Variants in PMFBP1 observed in about 807,000 individuals in gnomAD.
PMFBP1 encodes the protein polyamine modulated factor 1 binding protein 1.
In PMFBP1, 131 loss-of-function variants were observed where a neutral mutation model predicts 137.8. The observed-to-expected ratio is 0.95, with a 90% CI of 0.82 to 1.10. PMFBP1 has a LOEUF of 1.10. Ranked by LOEUF, PMFBP1 falls within the 50% of genes least tolerant of loss-of-function variation. The pLI is 0.00. For synonymous variants in PMFBP1, 490 were observed against 450.4 expected, an observed-to-expected ratio of 1.09 and a Z score of -1.11; for missense variants, 1,199 against 1,175.4, an observed-to-expected ratio of 1.02 and a Z score of -0.29.
the PMFBP1 span, among the ~76,000 whole-genome samples, chr16:72,188,213 G>A: frequency 6.6e-6 from 1 of 152,218 alleles, no homozygotes; most frequent in African/African-American, 2.4e-5. Flanking sequence ...GAGCAAAAGA[G>A]GTGAGAGATT....
chr16:72,156,318 G>A (rs750793150), intron 3 of PMFBP1, among the ~76,000 whole-genome samples: 3 of 151,536 alleles, frequency 2.0e-5, no homozygotes, highest in Admixed American at 6.6e-5. Context: ...TCCAGGTTGC[G>A]GCAAGAATCA....
At chr16:72,249,683 T>G in the PMFBP1 span, among the ~76,000 whole-genome samples, 60,344 of 150,652 alleles carry the variant, frequency 0.4, 13,599 homozygotes, top group African/African-American at 0.61. Context: ...TTGAGAGGCT[T>G]AGGCAGGTGA....
the PMFBP1 span, among the ~76,000 whole-genome samples, chr16:72,211,489 A>G: frequency 6.6e-6 from 1 of 152,224 alleles, no homozygotes; most frequent in Non-Finnish European, 1.5e-5. Flanking sequence ...AGAATCTCAC[A>G]TTTAAATACA....
At chr16:72,240,599 A>G in the PMFBP1 span, among the ~76,000 whole-genome samples, 1 of 151,970 alleles carries the variant, frequency 6.6e-6, no homozygotes, top group Non-Finnish European at 1.5e-5. Flanking sequence ...TTATTTTTTC[A>G]TTGTGACATC....
the PMFBP1 span, among the ~76,000 whole-genome samples, chr16:72,234,782 C>T: frequency 6.6e-6 from 1 of 152,082 alleles, no homozygotes; most frequent in South Asian, 2.1e-4. Flanking sequence ...TTTTTATTTC[C>T]CTAATGACTA....
chr16:72,146,301 A>G (rs1248108763), intron 5 of PMFBP1, among the ~76,000 whole-genome samples: 1 of 152,224 alleles, frequency 6.6e-6, no homozygotes, highest in African/African-American at 2.4e-5. Flanking sequence ...AGATGCAGAA[A>G]AGGCCTTTGA....
rs746865705 is a variant in PMFBP1, at chr16:72,126,178, A to G, written c.2089-46T>C. ...ACTGTCAGGGTGCCAGGTCAGGGTC[A>G]TAGAGGCATTCTCTGTGCCTATAGG... On this transcript the variant is annotated intron_variant, in intron 14 of 20. Coordinates refer to ENST00000237353, the MANE Select transcript of PMFBP1 (RefSeq NM_031293.3). 5.6e-6 allele frequency: 9 copies of G among 1,596,822 alleles called. 1 individual carries two copies. In the South Asian group the frequency reaches 9.0e-5, roughly 16 times the overall value.
intron 10 of PMFBP1, among the ~76,000 whole-genome samples, chr16:72,131,835 A>G (rs1344187767): frequency 3.3e-5 from 5 of 152,172 alleles, no homozygotes; most frequent in Non-Finnish European, 7.3e-5. Context: ...CATATAACAT[A>G]AATTTAGCCC....
At chr16:72,159,948 G>A (rs139365603) in intron 3 of PMFBP1, among the ~76,000 whole-genome samples, 145 of 152,338 alleles carry the variant, frequency 9.5e-4, no homozygotes, top group African/African-American at 3.1e-3. Context: ...ACCATCTGGA[G>A]TGAGATGTGA....
the PMFBP1 span, among the ~76,000 whole-genome samples, chr16:72,182,348 G>C: frequency 6.6e-6 from 1 of 151,980 alleles, no homozygotes; most frequent in African/African-American, 2.4e-5. Context: ...ATACAAAAGT[G>C]AGCCAGGCAT....
chr16:72,242,587 G>A, the PMFBP1 span, among the ~76,000 whole-genome samples: 1 of 152,136 alleles, frequency 6.6e-6, no homozygotes, highest in African/African-American at 2.4e-5. Flanking sequence ...TCAGGGTTTG[G>A]TCTTGATTAC....
the PMFBP1 span, among the ~76,000 whole-genome samples, chr16:72,184,500 C>G: frequency 6.6e-6 from 1 of 152,198 alleles, no homozygotes; most frequent in African/African-American, 2.4e-5. Flanking sequence ...CAATTCTGAG[C>G]ACTTCACTAT....
chr16:72,116,816 G>A (rs942920995), downstream of PMFBP1, among the ~76,000 whole-genome samples: 1 of 152,092 alleles, frequency 6.6e-6, no homozygotes, highest in African/African-American at 2.4e-5. Context: ...ATATATGTGA[G>A]GGTTTATTTC....
intron 9 of PMFBP1, among the ~76,000 whole-genome samples, chr16:72,135,359 G>GTTTTTTT (rs869071984): frequency 7.6e-6 from 1 of 131,502 alleles, no homozygotes; most frequent in Non-Finnish European, 1.7e-5. Flanking sequence ...GTGTGTGTGT[G>GTTTTTTT]TTTTTTTTTT....
chr16:72,171,068 C>T (rs370755120), intron 2 of PMFBP1, 129 bp downstream of exon 2: 5 of 1,085,378 alleles, frequency 4.6e-6, no homozygotes, highest in East Asian at 4.8e-5. Context: ...AAACACGATG[C>T]TCTGCTGCCC....
chr16:72,139,947 T>C (rs1476235434), intron 6 of PMFBP1, among the ~76,000 whole-genome samples: 1 of 152,198 alleles, frequency 6.6e-6, no homozygotes, highest in African/African-American at 2.4e-5. Context: ...GAGGACAGTA[T>C]TGAAAATTCA....
the PMFBP1 span, among the ~76,000 whole-genome samples, chr16:72,203,450 A>G: frequency 6.6e-6 from 1 of 151,942 alleles, no homozygotes; most frequent in African/African-American, 2.4e-5. Context: ...GTTCTTTTCT[A>G]TTTTTCAGAT....
the PMFBP1 span, among the ~76,000 whole-genome samples, chr16:72,190,762 T>C: frequency 6.6e-6 from 1 of 152,058 alleles, no homozygotes; most frequent in Non-Finnish European, 1.5e-5. Context: ...GAGCACACAC[T>C]CTTTGGGGCA....
Position 72,164,304 on chromosome 16 carries a change from A to C in PMFBP1, c.165+460T>G, listed in dbSNP as rs1422431085. The C allele has an allele frequency of 3.5e-6, 3 of 861,866 alleles. No homozygotes were observed. The Admixed American group carries it at 7.1e-5, about 20-fold the overall frequency. The allele number at this position is 861,866 out of a possible 1,614,324, so 53.4% of individuals were successfully genotyped here. ...ATCAGGTTCCTGCATCCAGAAGAAA[A>C]GCTTGCAGGCAGTGAGACGCAGGTG... On this transcript the variant is annotated intron_variant, in intron 3 of 20. Coordinates refer to ENST00000237353, the MANE Select transcript of PMFBP1 (RefSeq NM_031293.3).
Sources: allele counts gnomAD v4.1 joint callset (sites outside exome capture counted in the v4.1 genomes callset), GRCh38; gene constraint gnomAD v4.1.1; transcripts MANE v1.5; gene names NCBI Gene and HGNC (gene_info 2026-07-23, HGNC 2026-07-21).